DCC: variants seen among roughly 807,000 people sequenced by gnomAD.
DCC encodes the protein DCC netrin 1 receptor.
DCC carries 58 observed loss-of-function variants against 172.5 expected under a neutral mutation model. The observed-to-expected ratio is 0.34, with a 90% confidence interval of 0.27 to 0.42. DCC has a LOEUF of 0.42. Ranked by LOEUF, DCC falls within the 10% of genes least tolerant of loss-of-function variation. The pLI, the probability that DCC is intolerant of heterozygous loss-of-function variation, is 1.00. For missense variants in DCC, 1,740 were observed against 1,791.0 expected, an observed-to-expected ratio of 0.97 and a Z score of 0.51; for synonymous variants, 709 against 644.5, an observed-to-expected ratio of 1.10 and a Z score of -1.52.
intron 12 of DCC, among the ~76,000 whole-genome samples, chr18:53,221,529 T>G (rs2055932487): frequency 6.6e-6 from 1 of 152,142 alleles, no homozygotes; most frequent in Non-Finnish European, 1.5e-5. Flanking sequence ...ATCACATTCC[T>G]TATGTGGGAA....
intron 12 of DCC, among the ~76,000 whole-genome samples, chr18:53,265,713 C>T (rs1368126866): frequency 6.6e-6 from 1 of 152,172 alleles, no homozygotes; most frequent in Non-Finnish European, 1.5e-5. Context: ...GCAGATGATG[C>T]AACAGACATT....
intron 21 of DCC, among the ~76,000 whole-genome samples, chr18:53,432,732 T>A (rs1489215695): frequency 7.7e-6 from 1 of 130,168 alleles, no homozygotes; most frequent in Non-Finnish European, 1.6e-5. Context: ...AATGGGAGAA[T>A]CTTTTATCAT....
chr18:53,309,946 A>G (rs6417122), intron 13 of DCC, among the ~76,000 whole-genome samples: 68,488 of 135,232 alleles, frequency 0.51, 18,279 homozygotes, highest in East Asian at 0.69. Context: ...ATATATATAC[A>G]TGTATATATA....
chr18:52,807,427 C>T (rs545557518), intron 2 of DCC, among the ~76,000 whole-genome samples: 1 of 152,138 alleles, frequency 6.6e-6, no homozygotes, highest in Non-Finnish European at 1.5e-5. Flanking sequence ...TTAATACACT[C>T]ACTCATATTT....
chr18:53,487,383 G>A (rs2045913619), intron 26 of DCC, among the ~76,000 whole-genome samples: 2 of 152,086 alleles, frequency 1.3e-5, no homozygotes, highest in Admixed American at 1.3e-4. Flanking sequence ...AATCAGGTAA[G>A]TGATACTTTT....
At chr18:53,509,380 G>T (rs1453254402) in intron 27 of DCC, among the ~76,000 whole-genome samples, 1 of 152,202 alleles carries the variant, frequency 6.6e-6, no homozygotes, top group Non-Finnish European at 1.5e-5. Flanking sequence ...CATGGACATG[G>T]CTATCAAAAG....
chr18:52,592,728 G>A (rs571931568), intron 1 of DCC, among the ~76,000 whole-genome samples: 2 of 152,316 alleles, frequency 1.3e-5, no homozygotes, highest in African/African-American at 4.8e-5. Flanking sequence ...CCGCCTCCTG[G>A]ATTCAAGCTA....
At chr18:53,332,469 T>C (rs1278633254) in intron 14 of DCC, among the ~76,000 whole-genome samples, 1 of 152,162 alleles carries the variant, frequency 6.6e-6, no homozygotes, top group Non-Finnish European at 1.5e-5. Flanking sequence ...TGTGAAATGC[T>C]ACATGAGCAA....
rs541774772 is a variant in DCC, at chr18:52,766,972, C to A, written c.412+14598C>A. ...GGTAGTATTAAAGATTCCCCAGGTA[C>A]CTTGCAGCAAATAGGAAGAGAGAAT... On this transcript the variant is annotated intron_variant, in intron 2 of 28. Transcript: ENST00000442544. 3.3e-5 allele frequency among the ~76,000 whole-genome samples: 5 copies of A among 151,912 alleles called. No homozygotes were observed. In the South Asian group the frequency reaches 8.3e-4, roughly 25 times the overall value.
chr18:53,318,181 T>G (rs890945644), intron 13 of DCC, among the ~76,000 whole-genome samples: 5 of 152,210 alleles, frequency 3.3e-5, no homozygotes, highest in African/African-American at 1.2e-4. Flanking sequence ...GTATGTTGTG[T>G]CTTTGTTCTC....
At chr18:53,322,775 A>G (rs2057427675) in intron 14 of DCC, among the ~76,000 whole-genome samples, 1 of 151,768 alleles carries the variant, frequency 6.6e-6, no homozygotes, top group South Asian at 2.1e-4. Flanking sequence ...GGAAATAAAA[A>G]CATCATGACT....
At chr18:52,940,492 C>A (rs778190955) in intron 5 of DCC, among the ~76,000 whole-genome samples, 1 of 152,136 alleles carries the variant, frequency 6.6e-6, no homozygotes, top group Admixed American at 6.5e-5. Flanking sequence ...ATTCTATTTA[C>A]GCTGATTGGT....
At position 53,249,950 on chromosome 18, in the gene DCC, A is replaced by G. The variant is rs553521649; in HGVS notation, c.1911+34353A>G. On this transcript the variant is annotated intron_variant, in intron 12 of 28. Coordinates refer to ENST00000442544, the MANE Select transcript of DCC (RefSeq NM_005215.4). Reference sequence around the variant, plus strand: ...AAAATCAAGTTGGATTTTTAATCACAGAATACTCTGCTCAAATTTAATTGG... The same window carrying G: ...AAAATCAAGTTGGATTTTTAATCACGGAATACTCTGCTCAAATTTAATTGG... Among the ~76,000 whole-genome samples the G allele has an allele frequency of 1.3e-3, 204 of 152,000 alleles. 1 individual carries two copies. The highest frequency in any genetic ancestry group is 8.2e-4 in the Non-Finnish European group (56 of 67,938).
intron 1 of DCC, among the ~76,000 whole-genome samples, chr18:52,402,506 AG>A (rs1484076357): frequency 6.6e-6 from 1 of 151,980 alleles, no homozygotes; most frequent in Non-Finnish European, 1.5e-5. Context: ...GTGACTTGAA[AG>A]TTTCAAGGAA....
intron 1 of DCC, among the ~76,000 whole-genome samples, chr18:52,370,548 C>T (rs528330118): frequency 6.6e-6 from 1 of 152,154 alleles, no homozygotes; most frequent in Non-Finnish European, 1.5e-5. Flanking sequence ...GAACAATACA[C>T]ACTCAGGCCT....
intron 5 of DCC, among the ~76,000 whole-genome samples, chr18:52,936,104 A>C (rs1425672331): frequency 1.3e-5 from 2 of 152,150 alleles, no homozygotes; most frequent in African/African-American, 2.4e-5. Flanking sequence ...ACAGGTGTGT[A>C]ATATAAGGCA....
intron 1 of DCC, among the ~76,000 whole-genome samples, chr18:52,740,501 A>C (rs1264594964): frequency 2.0e-5 from 3 of 152,196 alleles, no homozygotes; most frequent in Admixed American, 6.5e-5. Context: ...CAAATGTTTT[A>C]TCACTGATGA....
chr18:53,085,515 G>T (rs2042865091), intron 7 of DCC, among the ~76,000 whole-genome samples: 1 of 151,964 alleles, frequency 6.6e-6, no homozygotes, highest in African/African-American at 2.4e-5. Context: ...AAATCACCTA[G>T]TCACCGTCTT....
chr18:53,351,399 GTGTATA>G (rs1187606833), intron 15 of DCC, among the ~76,000 whole-genome samples: 119 of 24,030 alleles, frequency 5.0e-3, no homozygotes, highest in Middle Eastern at 0.029. Flanking sequence ...TATATATACA[GTGTATA>G]TATATATATA....
Sources: gnomAD v4.1 joint callset for allele counts (sites outside exome capture counted in the v4.1 genomes callset) on GRCh38, gnomAD v4.1.1 for gene constraint, MANE v1.5 for transcripts, NCBI Gene and HGNC (gene_info 2026-07-23, HGNC 2026-07-21) for gene names.